The following ABLIM1 variants were observed in gnomAD, a reference collection of about 807,000 sequenced individuals.
The protein encoded by ABLIM1 is actin-binding LIM protein 1.
Under a neutral mutation model 107.0 loss-of-function variants are expected in ABLIM1, and 40 were observed. The observed-to-expected ratio is 0.37, with a 90% CI of 0.29 to 0.49. The LOEUF is 0.49. ABLIM1 is among the 20% of genes least tolerant of loss of function. The pLI, the probability that ABLIM1 is intolerant of heterozygous loss-of-function variation, is 0.97. For missense variants in ABLIM1, 857 were observed against 1,008.5 expected (o/e 0.85, Z 2.04); for synonymous variants, 357 against 357.3 (o/e 1.00, Z 0.01).
chr10:114,445,283 GA>G, intron 16 of ABLIM1, 28 bp downstream of exon 16: 1 of 1,585,878 alleles, frequency 6.3e-7, no homozygotes, highest in Non-Finnish European at 8.7e-7. Context: ...TAGCATTGAA[GA>G]CAGCAGCAAG....
chr10:114,618,353 T>A (rs2077258638), intron 1 of ABLIM1, among the ~76,000 whole-genome samples: 1 of 152,230 alleles, frequency 6.6e-6, no homozygotes, highest in Admixed American at 6.5e-5. Flanking sequence ...GTTTTCTACC[T>A]ATTTTGTTGT....
At position 114,728,461 on chromosome 10, in the gene ABLIM1, C is replaced by T. The variant is rs534793222; in HGVS notation, c.-213+39600G>A. Among the ~76,000 whole-genome samples the T allele has an allele frequency of 4.4e-4, 64 of 146,018 alleles. 1 individual carries two copies. Among genetic ancestry groups the T allele is most frequent in the Non-Finnish European group, 7.9e-4 (53 of 67,058 alleles). ...TGAAGGGAGGGAGTATCTAAATATCCATCAACATTAAGAATGGGTAAATAA... is the reference window on the plus strand; with the variant it reads ...TGAAGGGAGGGAGTATCTAAATATCTATCAACATTAAGAATGGGTAAATAA... On this transcript the variant is annotated intron_variant, in intron 1 of 15. Coordinates refer to the ABLIM1 transcript ENST00000651092.
intron 6 of ABLIM1, among the ~76,000 whole-genome samples, chr10:114,498,011 C>G (rs1044890164): frequency 6.6e-6 from 1 of 152,180 alleles, no homozygotes; most frequent in African/African-American, 2.4e-5. Context: ...TAAGTCACAA[C>G]ATTTTTTATG....
chr10:114,710,852 G>A (rs719894), intron 1 of ABLIM1, among the ~76,000 whole-genome samples: 53,706 of 152,128 alleles, frequency 0.35, 10,414 homozygotes, highest in Non-Finnish European at 0.45. Flanking sequence ...AGAAACACAA[G>A]GGACCATATT....
chr10:114,524,525 A>G (rs1200173075), intron 6 of ABLIM1, among the ~76,000 whole-genome samples: 4 of 151,764 alleles, frequency 2.6e-5, no homozygotes, highest in Non-Finnish European at 5.9e-5. Flanking sequence ...ATTCTAGAAG[A>G]AAAAAAAACT....
rs1195352275 is a variant in ABLIM1, at chr10:114,755,331, G to A, written c.-213+12730C>T. ...CCCAACCACAGTGCATGGAAAAACT[G>A]TCTTCCACGAAACCAGTCCCTGGTG... On this transcript the variant is annotated intron_variant, in intron 1 of 15. Coordinates refer to the ABLIM1 transcript ENST00000651092. Among the ~76,000 whole-genome samples the A allele has an allele frequency of 2.6e-5, 4 of 152,290 alleles. No individual in the cohort carries two copies. In the South Asian group the frequency reaches 6.2e-4, roughly 24 times the overall value.
the ABLIM1 span, among the ~76,000 whole-genome samples, chr10:114,787,155 C>T: frequency 2.2e-4 from 31 of 143,932 alleles, no homozygotes; most frequent in Non-Finnish European, 3.8e-4. Flanking sequence ...TCGCCCCGTC[C>T]GGGATGTGAG....
intron 8 of ABLIM1, 44 bp from the exon 9 acceptor site, chr10:114,474,000 C>G: frequency 6.7e-7 from 1 of 1,486,254 alleles, no homozygotes; most frequent in Non-Finnish European, 9.4e-7. Context: ...ACCCTGGCTT[C>G]AGAATCTAGA....
intron 1 of ABLIM1, among the ~76,000 whole-genome samples, chr10:114,625,570 G>T (rs915012586): frequency 6.7e-6 from 1 of 149,894 alleles, no homozygotes; most frequent in Non-Finnish European, 1.5e-5. Context: ...AGAAGAATTC[G>T]CAGAAGGGAT....
At chr10:114,501,569 C>T (rs892875128) in intron 6 of ABLIM1, among the ~76,000 whole-genome samples, 1 of 152,236 alleles carries the variant, frequency 6.6e-6, no homozygotes, top group Non-Finnish European at 1.5e-5. Context: ...CCATTCCCAA[C>T]TATTAAAATG....
intron 1 of ABLIM1, among the ~76,000 whole-genome samples, chr10:114,630,634 C>G (rs1051577775): frequency 1.3e-5 from 2 of 152,164 alleles, no homozygotes; most frequent in Non-Finnish European, 1.5e-5. Flanking sequence ...AACTGAGTTT[C>G]AAGCAACAAG....
chr10:114,433,095 A>T lies in ABLIM1; in HGVS notation c.*3165T>A, dbSNP rs1356446496. ...CATTATGCACTTAAGAGTCCCAAGG[A>T]AGTCAAATGTTCCCAAATGTAGCCC... On this transcript the variant is annotated 3_prime_UTR_variant, in exon 23 of 23. Coordinates refer to ENST00000533213, the MANE Select transcript of ABLIM1 (RefSeq NM_002313.7). The T allele has an allele frequency of 6.6e-6, 1 of 152,204 alleles. No homozygotes were observed. Among genetic ancestry groups the T allele is most frequent in the Non-Finnish European group, 1.5e-5 (1 of 68,032 alleles). The allele number at this position is 152,204 out of a possible 1,614,324, so 9.4% of individuals were successfully genotyped here. A position where few individuals can be genotyped will look rare whatever the true frequency, so the allele number is the denominator to read the frequency against.
At chr10:114,649,934 C>A (rs1170107348) in intron 1 of ABLIM1, among the ~76,000 whole-genome samples, 1 of 151,844 alleles carries the variant, frequency 6.6e-6, no homozygotes, top group East Asian at 1.9e-4. Flanking sequence ...CGGCTCACTG[C>A]AACCTCTGCC....
At chr10:114,622,665 G>C (rs553001472) in intron 1 of ABLIM1, among the ~76,000 whole-genome samples, 2 of 152,204 alleles carry the variant, frequency 1.3e-5, no homozygotes, top group South Asian at 4.1e-4. Flanking sequence ...GTTGACTCTT[G>C]AACAACACGG....
intron 1 of ABLIM1, among the ~76,000 whole-genome samples, chr10:114,665,809 G>A (rs1333683): frequency 0.012 from 1,896 of 152,252 alleles, 32 homozygotes; most frequent in African/African-American, 0.042. Context: ...CTGAGAAACT[G>A]AGACCCGGGA....
At chr10:114,699,072 A>G (rs1490482085) in intron 1 of ABLIM1, among the ~76,000 whole-genome samples, 2 of 144,396 alleles carry the variant, frequency 1.4e-5, no homozygotes, top group Non-Finnish European at 3.0e-5. Flanking sequence ...GGACGATCTT[A>G]GTAATGCTAT....
intron 1 of ABLIM1, among the ~76,000 whole-genome samples, chr10:114,669,070 A>C (rs1292609638): frequency 6.6e-6 from 1 of 152,224 alleles, no homozygotes; most frequent in African/African-American, 2.4e-5. Context: ...TGAATCTTTC[A>C]TTTAGGTTAT....
At chr10:114,700,860 T>C (rs1312518034) in intron 1 of ABLIM1, among the ~76,000 whole-genome samples, 3 of 152,134 alleles carry the variant, frequency 2.0e-5, no homozygotes, top group African/African-American at 7.2e-5. Flanking sequence ...AGAATACCTT[T>C]GATATCCTGG....
chr10:114,480,960 C>A (rs962695862), intron 8 of ABLIM1, among the ~76,000 whole-genome samples: 1 of 152,140 alleles, frequency 6.6e-6, no homozygotes, highest in Non-Finnish European at 1.5e-5. Context: ...TTAAAAAGCA[C>A]ATCTTTTTGT....
Sources: gnomAD v4.1 joint callset for allele counts (sites outside exome capture counted in the v4.1 genomes callset) on GRCh38, gnomAD v4.1.1 for gene constraint, MANE v1.5 for transcripts, NCBI Gene and HGNC (gene_info 2026-07-23, HGNC 2026-07-21) for gene names.